PPIL2: variants seen among roughly 807,000 people sequenced by gnomAD.
PPIL2 encodes RING-type E3 ubiquitin-protein ligase PPIL2.
Under a neutral mutation model 75.2 loss-of-function variants are expected in PPIL2, and 50 were observed. The observed-to-expected ratio is 0.66, with a 90% CI of 0.53 to 0.84. PPIL2 has a LOEUF of 0.84. PPIL2 is among the 40% of genes least tolerant of loss of function. The probability of loss-of-function intolerance (pLI) is 0.00; values close to 1 mark genes in which losing one functional copy is unlikely to be tolerated. For synonymous variants in PPIL2, 245 were observed against 258.8 expected, an observed-to-expected ratio of 0.95 and a Z score of 0.51; for missense variants, 590 against 685.0, an observed-to-expected ratio of 0.86 and a Z score of 1.55.
chr22:21,692,316 G>A (rs1008036186), intron 15 of PPIL2, among the ~76,000 whole-genome samples: 7 of 151,912 alleles, frequency 4.6e-5, no homozygotes, highest in Middle Eastern at 3.4e-3. Context: ...CCACACGCCT[G>A]GCTAATTTTT....
chr22:21,684,783 A>C lies in PPIL2; in HGVS notation c.584A>C (p.Tyr195Ser). ...GAGAAGGCCAAACAGGACCCGTCTT[A>C]TTATCTGAAAAATACAAATGCCGAG... ...DEEKAKQDPS[Y>S]YLKNTNAETR... Residue 195 changes from tyrosine (Y) to serine (S), a missense_variant, in exon 10 of 20, where the codon TAT becomes TCT. Physicochemically the swap from Tyr to Ser is moderately radical, Grantham distance 144. Coordinates refer to ENST00000398831, the MANE Select transcript of PPIL2 (RefSeq NM_014337.4). 6.2e-7 allele frequency: 1 copy of C among 1,614,148 alleles called. No individual in the cohort carries two copies. Among genetic ancestry groups the C allele is most frequent in the Non-Finnish European group, 8.5e-7 (1 of 1,180,026 alleles).
Position 21,688,120 on chromosome 22 carries a change from C to G in PPIL2, c.1021+14C>G. The G allele has an allele frequency of 6.2e-7, 1 of 1,614,140 alleles. No homozygotes were observed. The highest frequency in any genetic ancestry group is 1.3e-5 in the African/African-American group (1 of 75,062). On this transcript the variant is annotated intron_variant, in intron 14 of 19. Transcript: ENST00000398831. Reference sequence around the variant, plus strand: ...GCACAGGCACGGGTAGGTACTGGTGCTGGGCCCCTCTCTGGGCACTTTGGC... The same window carrying G: ...GCACAGGCACGGGTAGGTACTGGTGGTGGGCCCCTCTCTGGGCACTTTGGC...
chr22:21,696,801 A>G lies in PPIL2; in HGVS notation c.*1311A>G. On this transcript the variant is annotated 3_prime_UTR_variant, in exon 20 of 20. Transcript: ENST00000398831. Reference sequence around the variant, plus strand: ...TTTTCTCATCAATCACTGATGCTGAAGCTGCAGGCCTGAGCCCTTTGTCTC... The same window carrying G: ...TTTTCTCATCAATCACTGATGCTGAGGCTGCAGGCCTGAGCCCTTTGTCTC... The G allele has an allele frequency of 6.4e-7, 1 of 1,551,240 alleles. No homozygotes were observed. Among genetic ancestry groups the G allele is most frequent in the Non-Finnish European group, 8.7e-7 (1 of 1,147,978 alleles).
intron 6 of PPIL2, among the ~76,000 whole-genome samples, chr22:21,677,515 C>A (rs551476691): frequency 6.6e-6 from 1 of 152,188 alleles, no homozygotes; most frequent in African/African-American, 2.4e-5. Context: ...GCCAACACAG[C>A]GAAACCCCGT....
downstream of PPIL2, chr22:21,699,533 T>C (rs190833158): frequency 2.2e-4 from 33 of 152,514 alleles, no homozygotes; most frequent in Admixed American, 1.8e-3. Context: ...CCTTAGGAGA[T>C]TGCACAGGCC....
intron 9 of PPIL2, among the ~76,000 whole-genome samples, chr22:21,683,483 C>T (rs763793267): frequency 1.3e-5 from 2 of 152,268 alleles, no homozygotes; most frequent in Non-Finnish European, 2.9e-5. Context: ...GGTTCCCCTG[C>T]TCCCTGCAGA....
Position 21,688,962 on chromosome 22 carries a change from G to C in PPIL2, c.1139+113G>C, listed in dbSNP as rs1056849373. 1.6e-5 allele frequency: 17 copies of C among 1,039,760 alleles called. No homozygotes were observed. In the Admixed American group the frequency reaches 2.6e-4, roughly 16 times the overall value. 64.4% of individuals were successfully genotyped at this position (1,039,760 alleles called of 1,614,324 possible). ...GCTGGTTCTGAATCATACCCAGACGGTGTACGGCACACCTAGGCCAAGCAT... is the reference window on the plus strand; with the variant it reads ...GCTGGTTCTGAATCATACCCAGACGCTGTACGGCACACCTAGGCCAAGCAT... On this transcript the variant is annotated intron_variant, in intron 15 of 19. Coordinates refer to ENST00000398831, the MANE Select transcript of PPIL2 (RefSeq NM_014337.4).
chr22:21,668,877 A>G (rs1044935951), intron 1 of PPIL2, among the ~76,000 whole-genome samples: 1 of 151,142 alleles, frequency 6.6e-6, no homozygotes, highest in Non-Finnish European at 1.5e-5. Flanking sequence ...ACGCCCGGCT[A>G]ATTTTTTGTA....
chr22:21,698,746 C>CTCT (rs1211495099), downstream of PPIL2: 1 of 152,418 alleles, frequency 6.6e-6, no homozygotes, highest in Non-Finnish European at 1.5e-5. Context: ...TGGGCGGAGC[C>CTCT]TCTTCAGGCT....
At position 21,695,768 on chromosome 22, in the gene PPIL2, C is replaced by T; in HGVS notation, c.*278C>T. ...CTGCCCTACACCCAGGCTGGTGCCT[C>T]AGGCCTCCCCTCTAGTAGGCAGGCC... On this transcript the variant is annotated 3_prime_UTR_variant, in exon 20 of 20. Transcript: ENST00000398831. The T allele has an allele frequency of 7.8e-7, 1 of 1,289,464 alleles. No individual in the cohort carries two copies. Among genetic ancestry groups the T allele is most frequent in the Non-Finnish European group, 9.9e-7 (1 of 1,008,588 alleles). The allele number at this position is 1,289,464 out of a possible 1,614,324, so 79.9% of individuals were successfully genotyped here.
chr22:21,676,292 ATATT>A (rs1173844899), intron 6 of PPIL2, among the ~76,000 whole-genome samples: 10 of 87,616 alleles, frequency 1.1e-4, no homozygotes, highest in African/African-American at 3.0e-4. Flanking sequence ...CATTCAGCAA[ATATT>A]TATTTATTTA....
chr22:21,690,340 C>T (rs867972041), intron 15 of PPIL2, among the ~76,000 whole-genome samples: 1 of 151,322 alleles, frequency 6.6e-6, no homozygotes, highest in Admixed American at 6.6e-5. Context: ...GCTAGGATCG[C>T]GCCACTGCAC....
intron 10 of PPIL2, among the ~76,000 whole-genome samples, chr22:21,685,364 C>A (rs187804026): frequency 3.3e-5 from 5 of 152,062 alleles, no homozygotes; most frequent in Admixed American, 1.3e-4. Flanking sequence ...TGGTCTGCTG[C>A]GGTGCTGACG....
Position 21,682,490 on chromosome 22 carries a change from C to A in PPIL2, c.441C>A (p.Asp147Glu), listed in dbSNP as rs755435729. 1.2e-6 allele frequency: 2 copies of A among 1,602,074 alleles called. No homozygotes were observed. Among genetic ancestry groups the A allele is most frequent in the East Asian group, 2.3e-5 (1 of 44,220 alleles). ...AGAACTTCCGGGACCTGCTGACCGA[C>A]GAGCCCTTCTCCCGGCAGGACATCA... is the stretch of plus-strand genomic sequence containing the variant. ...KAKNFRDLLT[D>E]EPFSRQDIIT... The change falls in exon 8 of 20, where the codon GAC becomes GAA. Residue 147 changes from aspartate (D) to glutamate (E), a missense_variant. Asp to Glu is a conservative substitution (Grantham distance 45). Coordinates refer to ENST00000398831, the MANE Select transcript of PPIL2 (RefSeq NM_014337.4).
At position 21,683,236 on chromosome 22, in the gene PPIL2, A is replaced by G; in HGVS notation, c.532A>G (p.Asn178Asp). 1 of 1,612,734 alleles carries G rather than the reference A, an allele frequency of 6.2e-7. No individual in the cohort carries two copies. The highest frequency in any genetic ancestry group is 2.2e-5 in the East Asian group (1 of 44,880). The change falls in exon 9 of 20, where the codon AAC (asparagine) becomes GAC (aspartate). Residue 178 changes from asparagine to aspartate, a missense_variant. Transcript: ENST00000398831. Reference protein sequence around the residue: ...NVSNFYHVKNNMKIIDPDEEK... With the variant: ...NVSNFYHVKNDMKIIDPDEEK... The stretch of plus-strand genomic sequence containing the variant: ...CTCTAACTTCTATCATGTGAAGAAT[A>G]ACATGAAAATAATAGACCCAGGTAT...
intron 15 of PPIL2, among the ~76,000 whole-genome samples, chr22:21,689,866 G>C (rs1402359265): frequency 1.3e-5 from 2 of 152,214 alleles, no homozygotes; most frequent in Non-Finnish European, 2.9e-5. Context: ...GTCCTCCCGG[G>C]ATTTGTGGAT....
intron 14 of PPIL2, 135 bp from the exon 15 acceptor site, chr22:21,688,597 G>T: frequency 1.2e-6 from 1 of 804,246 alleles, no homozygotes; most frequent in East Asian, 2.5e-5. Flanking sequence ...CGTGGGGCTG[G>T]GAGCCTCCCT....
At chr22:21,686,655 G>T in intron 11 of PPIL2, 97 bp downstream of exon 11, 2 of 1,292,068 alleles carry the variant, frequency 1.5e-6, no homozygotes, top group Non-Finnish European at 1.1e-6. Context: ...TCTGTCAGGG[G>T]CTCCCACTGT....
intron 5 of PPIL2, among the ~76,000 whole-genome samples, chr22:21,674,597 A>T (rs1048927012): frequency 3.3e-5 from 5 of 152,130 alleles, no homozygotes; most frequent in African/African-American, 1.2e-4. Flanking sequence ...GCTACTCGGG[A>T]GGCTGAGGCA....
Sources: allele counts gnomAD v4.1 joint callset (sites outside exome capture counted in the v4.1 genomes callset), GRCh38; gene constraint gnomAD v4.1.1; transcripts MANE v1.5; gene names NCBI Gene and HGNC (gene_info 2026-07-23, HGNC 2026-07-21).